Variants in EML6 observed in about 807,000 individuals in gnomAD.
The protein encoded by EML6 is EMAP like 6.
Under a neutral mutation model 240.1 loss-of-function variants are expected in EML6, and 154 were observed. The observed-to-expected ratio is 0.64, with a 90% CI of 0.56 to 0.73. The LOEUF is 0.73. EML6 is among the 30% of genes least tolerant of loss of function. EML6 has a pLI of 0.00. For synonymous variants in EML6, 1,148 were observed against 899.0 expected (o/e 1.28, Z -4.95); for missense variants, 2,964 against 2,474.6 (o/e 1.20, Z -4.20).
chr2:54,924,934 A>C (rs1417377979), intron 26 of EML6, among the ~76,000 whole-genome samples: 1 of 152,018 alleles, frequency 6.6e-6, no homozygotes, highest in African/African-American at 2.4e-5. Context: ...TTGCCAATGA[A>C]TATTTCCAGC....
At chr2:54,820,340 A>G (rs765500290) in intron 4 of EML6, 54 bp from the exon 5 acceptor site, 114 of 1,259,744 alleles carry the variant, frequency 9.0e-5, no homozygotes, top group Admixed American at 2.1e-4. Context: ...AGTATTGGGA[A>G]AAGGCAAAAA....
chr2:54,832,555 G>T (rs1421474099), intron 7 of EML6, among the ~76,000 whole-genome samples: 2 of 152,220 alleles, frequency 1.3e-5, no homozygotes, highest in Non-Finnish European at 2.9e-5. Context: ...TAGGATTTGA[G>T]GAGATAAAAG....
At chr2:54,819,773 G>GAAAAAAAAAAAAAAAAAA (rs375657743) in intron 4 of EML6, among the ~76,000 whole-genome samples, 1 of 123,138 alleles carries the variant, frequency 8.1e-6, no homozygotes. Flanking sequence ...GACTGTCTCA[G>GAAAAAAAAAAAAAAAAAA]AAAAAAAAAA....
intron 11 of EML6, 80 bp from the exon 12 acceptor site, chr2:54,859,454 C>A: frequency 2.7e-6 from 3 of 1,101,038 alleles, no homozygotes; most frequent in Non-Finnish European, 3.9e-6. Flanking sequence ...TACTCTTCAA[C>A]ATGAACAGAA....
chr2:54,825,691 A>G (rs1668552579), intron 5 of EML6, among the ~76,000 whole-genome samples: 1 of 152,132 alleles, frequency 6.6e-6, no homozygotes, highest in African/African-American at 2.4e-5. Flanking sequence ...TCTGCCCTTC[A>G]TTCTTGCCAA....
intron 35 of EML6, 103 bp downstream of exon 35, chr2:54,960,437 A>G: frequency 3.8e-6 from 3 of 796,330 alleles, no homozygotes; most frequent in Non-Finnish European, 2.1e-6. Flanking sequence ...ACTCCTTGAA[A>G]CAAGGCCTCA....
rs1223854855 is a variant in EML6, at chr2:54,970,926, T to C, written c.*831T>C. On this transcript the variant is annotated 3_prime_UTR_variant, in exon 42 of 42. Transcript: ENST00000356458. ...GACAGGGTAGAATTATGGGTTTTCA[T>C]TGTGTTTCATGCCAAACCCACAAAA... The C allele has an allele frequency of 6.6e-6, 1 of 152,214 alleles. No homozygotes were observed. Among genetic ancestry groups the C allele is most frequent in the Non-Finnish European group, 1.5e-5 (1 of 68,046 alleles). 9.4% of individuals were successfully genotyped at this position (152,214 alleles called of 1,614,324 possible).
chr2:54,841,506 A>G (rs1451929327), intron 7 of EML6, among the ~76,000 whole-genome samples: 1 of 151,418 alleles, frequency 6.6e-6, no homozygotes, highest in Non-Finnish European at 1.5e-5. Context: ...TAAGATCAAG[A>G]TTATAGTTAG....
chr2:54,783,075 A>C (rs1668921275), intron 2 of EML6, among the ~76,000 whole-genome samples: 1 of 152,206 alleles, frequency 6.6e-6, no homozygotes, highest in Admixed American at 6.5e-5. Flanking sequence ...AAGTTAATAT[A>C]GGTATGTATG....
chr2:54,849,238 C>T (rs753274459), intron 9 of EML6, among the ~76,000 whole-genome samples: 4 of 152,062 alleles, frequency 2.6e-5, no homozygotes, highest in Non-Finnish European at 5.9e-5. Flanking sequence ...ATTGGGCTAT[C>T]CATCACCTTA....
rs34682923 is a variant in EML6, at chr2:54,937,553, TAAAAAAAAA to T, written c.4004+8823_4004+8831del. On this transcript the variant is annotated intron_variant, in intron 28 of 41. Coordinates refer to ENST00000356458, the MANE Select transcript of EML6 (RefSeq NM_001039753.4). ...GGGCCATAGAGCAAGACTCTGTCTT[TAAAAAAAAA>T]AAAAAAAAAAAAAAAAAAAAGTAGA... Among the ~76,000 whole-genome samples, 24 of 68,208 alleles carry T rather than the reference TAAAAAAAAA, an allele frequency of 3.5e-4. 1 individual carries two copies. The South Asian group carries it at 5.2e-3, about 15-fold the overall frequency. The allele number at this position is 68,208 out of a possible 152,430, so 44.7% of individuals were successfully genotyped here. A position where few individuals can be genotyped will look rare whatever the true frequency, so the allele number is the denominator to read the frequency against.
In EML6 at chr2:54,964,659, C is replaced by T. The variant is rs1234073690; in HGVS notation, c.5419C>T (p.Arg1807Cys). 4 of 1,552,214 alleles carry T rather than the reference C, an allele frequency of 2.6e-6. No homozygotes were observed. Among genetic ancestry groups the T allele is most frequent in the Non-Finnish European group, 3.5e-6 (4 of 1,147,114 alleles). Residue 1807 changes from arginine to cysteine, a missense_variant, in exon 38 of 42, where the codon CGC becomes TGC. Physicochemically the swap from Arg to Cys is radical, Grantham distance 180. Transcript: ENST00000356458. ...YDLTQGTNLN[R>C]IGYCKDIPSF... ...CCTCACTCAGGGCACAAATCTGAACCGCATTGGCTACTGCAAAGATATCCC... is the reference window on the plus strand; with the variant it reads ...CCTCACTCAGGGCACAAATCTGAACTGCATTGGCTACTGCAAAGATATCCC...
chr2:54,797,494 C>A (rs186003675), intron 2 of EML6, among the ~76,000 whole-genome samples: 68 of 152,246 alleles, frequency 4.5e-4, no homozygotes, highest in African/African-American at 1.5e-3. Context: ...GGTTTGGTTT[C>A]AGACCACTGC....
At position 54,970,244 on chromosome 2, in the gene EML6, A is replaced by G; in HGVS notation, c.*149A>G. 1.3e-6 allele frequency: 1 copy of G among 754,528 alleles called. No homozygotes were observed. Among genetic ancestry groups the G allele is most frequent in the Non-Finnish European group, 2.3e-6 (1 of 441,156 alleles). The allele number at this position is 754,528 out of a possible 1,614,324, so 46.7% of individuals were successfully genotyped here. A position where few individuals can be genotyped will look rare whatever the true frequency, so the allele number is the denominator to read the frequency against. ...AAGCTCAAAACGCTGCAGAAGTTAC[A>G]CAACTGCTCCCATAATCTGGACTCT... On this transcript the variant is annotated 3_prime_UTR_variant, in exon 42 of 42. Coordinates refer to ENST00000356458, the MANE Select transcript of EML6 (RefSeq NM_001039753.4).
At chr2:54,792,807 T>G (rs1558552503) in intron 2 of EML6, among the ~76,000 whole-genome samples, 1 of 152,214 alleles carries the variant, frequency 6.6e-6, no homozygotes, top group Non-Finnish European at 1.5e-5. Context: ...AAGGGCCTTT[T>G]AAGGAGATTG....
chr2:54,869,489 T>C lies in EML6; in HGVS notation c.2238+122T>C, dbSNP rs188242913. The C allele has an allele frequency of 1.7e-5, 13 of 761,368 alleles. No homozygotes were observed. In the East Asian group the frequency reaches 1.9e-4, roughly 11 times the overall value. The allele number at this position is 761,368 out of a possible 1,614,324, so 47.2% of individuals were successfully genotyped here. On this transcript the variant is annotated intron_variant, in intron 15 of 41. Transcript: ENST00000356458. ...TAAACATGAGATGGGAAGGTGAAGA[T>C]TGAATGATCATTGGATCCTTCCAAG...
At position 54,970,919 on chromosome 2, in the gene EML6, G is replaced by C. The variant is rs554017754; in HGVS notation, c.*824G>C. The C allele has an allele frequency of 2.0e-5, 3 of 152,168 alleles. No homozygotes were observed. Among genetic ancestry groups the C allele is most frequent in the African/African-American group, 7.2e-5 (3 of 41,426 alleles). The allele number at this position is 152,168 out of a possible 1,614,324, so 9.4% of individuals were successfully genotyped here. On this transcript the variant is annotated 3_prime_UTR_variant, in exon 42 of 42. Coordinates refer to ENST00000356458, the MANE Select transcript of EML6 (RefSeq NM_001039753.4). Reference sequence around the variant, plus strand: ...AGTTCGGGACAGGGTAGAATTATGGGTTTTCATTGTGTTTCATGCCAAACC... The same window carrying C: ...AGTTCGGGACAGGGTAGAATTATGGCTTTTCATTGTGTTTCATGCCAAACC...
At chr2:54,809,286 C>G (rs528389185) in intron 2 of EML6, among the ~76,000 whole-genome samples, 5 of 152,296 alleles carry the variant, frequency 3.3e-5, no homozygotes, top group Middle Eastern at 3.4e-3. Context: ...TCCATACTTC[C>G]AGTCATAACA....
intron 2 of EML6, among the ~76,000 whole-genome samples, chr2:54,792,457 T>C (rs1268817542): frequency 4.6e-5 from 7 of 152,214 alleles, no homozygotes; most frequent in African/African-American, 1.7e-4. Flanking sequence ...CTCCTAGATA[T>C]CTGACCAAGT....
Sources: gnomAD v4.1 joint callset for allele counts (sites outside exome capture counted in the v4.1 genomes callset) on GRCh38, gnomAD v4.1.1 for gene constraint, MANE v1.5 for transcripts, NCBI Gene and HGNC (gene_info 2026-07-23, HGNC 2026-07-21) for gene names.